The following TRDN variants were observed in gnomAD, a reference collection of about 807,000 sequenced individuals.
TRDN encodes the protein triadin, also known as triadin in skeletal muscle.
A neutral mutation model predicts 149.7 loss-of-function variants in TRDN; 161 were observed. The ratio of observed to expected loss-of-function variants is 1.08; its 90% confidence interval spans 0.95 to 1.23. The LOEUF (loss-of-function observed/expected upper bound fraction) is 1.23, where lower values mean the gene tolerates loss of function less well. Ranked by LOEUF, TRDN falls within the 50% of genes most tolerant of loss-of-function variation. The pLI, the probability that TRDN is intolerant of heterozygous loss-of-function variation, is 0.00. For missense variants in TRDN, 896 were observed against 823.5 expected, an observed-to-expected ratio of 1.09 and a Z score of -1.08; for synonymous variants, 294 against 250.5, an observed-to-expected ratio of 1.17 and a Z score of -1.64.
At chr6:123,467,441 C>G (rs1025688407) in intron 9 of TRDN, among the ~76,000 whole-genome samples, 2 of 151,882 alleles carry the variant, frequency 1.3e-5, no homozygotes, top group African/African-American at 4.8e-5. Flanking sequence ...CTATAATGCT[C>G]TTTTTATTCT....
chr6:123,337,563 C>T, intron 22 of TRDN, 56 bp downstream of exon 22: 1 of 903,144 alleles, frequency 1.1e-6, no homozygotes, highest in Non-Finnish European at 1.6e-6. Context: ...ACTGTGTTCT[C>T]AATAATATAT....
At chr6:123,502,529 A>T (rs1583156003) in intron 8 of TRDN, 1 of 972,020 alleles carries the variant, frequency 1.0e-6, no homozygotes. Context: ...TTGTCATATA[A>T]ATCAGAGTTG....
At chr6:123,277,321 G>A (rs1240292913) in intron 26 of TRDN, among the ~76,000 whole-genome samples, 4 of 152,108 alleles carry the variant, frequency 2.6e-5, no homozygotes. Context: ...ATGTTGGGAT[G>A]GGGTGAACAT....
chr6:123,306,100 T>C (rs982961563), intron 24 of TRDN, among the ~76,000 whole-genome samples: 16 of 152,186 alleles, frequency 1.1e-4, no homozygotes, highest in African/African-American at 3.4e-4. Context: ...ATTGCCTGTC[T>C]AATCTTTGTA....
intron 16 of TRDN, 92 bp from the exon 17 acceptor site, chr6:123,377,990 A>G (rs1781574142): frequency 3.5e-6 from 3 of 865,380 alleles, no homozygotes; most frequent in African/African-American, 1.7e-5. Flanking sequence ...AGAAACATGC[A>G]TGTGCTGATG....
chr6:123,570,844 C>G, intron 2 of TRDN, 79 bp downstream of exon 2: 1 of 1,343,012 alleles, frequency 7.4e-7, no homozygotes, highest in Middle Eastern at 1.9e-4. Flanking sequence ...AAACAGAAAC[C>G]AAGCAGGAAC....
At chr6:123,287,421 T>A (rs1388337936) in intron 24 of TRDN, among the ~76,000 whole-genome samples, 3 of 152,158 alleles carry the variant, frequency 2.0e-5, no homozygotes, top group Admixed American at 1.3e-4. Flanking sequence ...TTATTAGAAA[T>A]GTAAATTTAA....
intron 1 of TRDN, among the ~76,000 whole-genome samples, chr6:123,623,856 CTTAT>C (rs1346056692): frequency 6.6e-6 from 1 of 151,996 alleles, no homozygotes; most frequent in African/African-American, 2.4e-5. Context: ...AGTTGATTTG[CTTAT>C]TTGTTTTATA....
chr6:123,267,615 A>G, intron 32 of TRDN, 92 bp downstream of exon 32: 1 of 831,910 alleles, frequency 1.2e-6, no homozygotes, highest in Non-Finnish European at 1.8e-6. Flanking sequence ...CAGGAAACAC[A>G]GTGAAAATGA....
chr6:123,561,204 T>G (rs1318389783), intron 2 of TRDN, among the ~76,000 whole-genome samples: 1 of 152,130 alleles, frequency 6.6e-6, no homozygotes, highest in Non-Finnish European at 1.5e-5. Flanking sequence ...GATAGTGGAC[T>G]GGTCTTTATT....
intron 1 of TRDN, among the ~76,000 whole-genome samples, chr6:123,593,091 C>G (rs981344261): frequency 6.6e-6 from 1 of 152,112 alleles, no homozygotes; most frequent in African/African-American, 2.4e-5. Context: ...CTCTACAAAT[C>G]ATAAAAAGAG....
At chr6:123,627,501 G>A (rs1785739992) in intron 1 of TRDN, among the ~76,000 whole-genome samples, 1 of 152,084 alleles carries the variant, frequency 6.6e-6, no homozygotes, top group Non-Finnish European at 1.5e-5. Flanking sequence ...TTATCTCATT[G>A]ATAGAGCACA....
At chr6:123,532,162 G>A (rs1448966255) in intron 4 of TRDN, among the ~76,000 whole-genome samples, 2 of 152,018 alleles carry the variant, frequency 1.3e-5, no homozygotes, top group Admixed American at 6.6e-5. Flanking sequence ...GAGATGTGCT[G>A]TAAGTATAAA....
chr6:123,265,283 A>G, intron 33 of TRDN, 35 bp downstream of exon 33: 1 of 1,384,696 alleles, frequency 7.2e-7, no homozygotes, highest in Non-Finnish European at 9.7e-7. Context: ...ACAATGAAAT[A>G]GGACAATTTT....
intron 24 of TRDN, among the ~76,000 whole-genome samples, chr6:123,307,372 G>T (rs1037345237): frequency 6.6e-6 from 1 of 151,802 alleles, no homozygotes; most frequent in Non-Finnish European, 1.5e-5. Context: ...TCTCTGTGCT[G>T]GTTCCTTGCT....
intron 2 of TRDN, among the ~76,000 whole-genome samples, chr6:123,561,196 T>A (rs1441361908): frequency 2.0e-5 from 3 of 152,176 alleles, no homozygotes; most frequent in Non-Finnish European, 4.4e-5. Context: ...TACAGTCCGA[T>A]AGTGGACTGG....
At chr6:123,439,077 T>C (rs936108778) in intron 10 of TRDN, 74 bp from the exon 11 acceptor site, 13 of 1,241,642 alleles carry the variant, frequency 1.0e-5, no homozygotes, top group South Asian at 4.3e-5. Context: ...AAATGAAGGA[T>C]TTTTGTTAAG....
In TRDN at chr6:123,565,838, C is replaced by T. The variant is rs573632649; in HGVS notation, c.232+5085G>A. ...GGAAAGGCGTCAATTTATCCTGCAG[C>T]TCATCCGCATAATTGTAATTTGTGG... On this transcript the variant is annotated intron_variant, in intron 2 of 40. Transcript: ENST00000334268. 1.4e-4 allele frequency among the ~76,000 whole-genome samples: 22 copies of T among 152,346 alleles called. No homozygotes were observed. The East Asian group carries it at 4.1e-3, about 28-fold the overall frequency.
At chr6:123,442,366 A>G (rs1774955536) in intron 10 of TRDN, 1 of 112,836 alleles carries the variant, frequency 8.9e-6, no homozygotes, top group African/African-American at 4.8e-5. Context: ...ACACGGTGAA[A>G]CCCCGTCTCT....
Sources: allele counts gnomAD v4.1 joint callset (sites outside exome capture counted in the v4.1 genomes callset), GRCh38; gene constraint gnomAD v4.1.1; transcripts MANE v1.5; gene names NCBI Gene and HGNC (gene_info 2026-07-23, HGNC 2026-07-21).